MIPOL1: variants seen among roughly 807,000 people sequenced by gnomAD.
The protein encoded by MIPOL1 is mirror-image polydactyly gene 1 protein.
In MIPOL1, 57 loss-of-function variants were observed where a neutral mutation model predicts 60.9. The observed-to-expected ratio is 0.94, with a 90% CI of 0.76 to 1.17. MIPOL1 has a LOEUF of 1.17. Ranked by LOEUF, MIPOL1 falls within the 50% of genes most tolerant of loss-of-function variation. The pLI, the probability that MIPOL1 is intolerant of heterozygous loss-of-function variation, is 0.00. For synonymous variants in MIPOL1, 179 were observed against 168.8 expected (o/e 1.06, Z -0.47); for missense variants, 551 against 511.6 (o/e 1.08, Z -0.74).
chr14:37,417,519 G>A lies in MIPOL1; in HGVS notation c.937-5336G>A, dbSNP rs74387916. ...ATCCAAGCCTTCCTGTGAAGTGGAG[G>A]TTTAATTGAAACCTGGTCATTTTTA... On this transcript the variant is annotated intron_variant, in intron 10 of 12. Transcript: ENST00000684589. Among the ~76,000 whole-genome samples, 717 of 152,234 alleles carry A rather than the reference G, an allele frequency of 4.7e-3. 4 individuals carry two copies. Among genetic ancestry groups the A allele is most frequent in the African/African-American group, 0.015 (637 of 41,520 alleles).
chr14:37,531,706 A>T (rs947955959), intron 12 of MIPOL1, among the ~76,000 whole-genome samples: 6 of 152,192 alleles, frequency 3.9e-5, no homozygotes, highest in Non-Finnish European at 7.3e-5. Flanking sequence ...GTTTTTGAAA[A>T]TCCTTGAGGA....
intron 9 of MIPOL1, among the ~76,000 whole-genome samples, chr14:37,314,107 C>T (rs573409187): frequency 2.0e-5 from 3 of 152,122 alleles, no homozygotes; most frequent in South Asian, 2.1e-4. Flanking sequence ...TTTCTGTACT[C>T]GTTTCTTGGT....
intron 9 of MIPOL1, among the ~76,000 whole-genome samples, chr14:37,316,412 A>G (rs1475022231): frequency 6.6e-6 from 1 of 152,046 alleles, no homozygotes. Flanking sequence ...ATTTGATCAC[A>G]TGGATGATGT....
intron 10 of MIPOL1, among the ~76,000 whole-genome samples, chr14:37,389,533 ATATT>A (rs2093174473): frequency 6.6e-6 from 1 of 151,820 alleles, no homozygotes; most frequent in South Asian, 2.1e-4. Context: ...TTTATATTAT[ATATT>A]TATTGTTCTA....
chr14:37,464,147 A>G (rs745990065), intron 11 of MIPOL1, among the ~76,000 whole-genome samples: 8 of 152,186 alleles, frequency 5.3e-5, no homozygotes, highest in Admixed American at 3.9e-4. Context: ...ACCACTATAC[A>G]CTTTTCGTGG....
intron 12 of MIPOL1, among the ~76,000 whole-genome samples, chr14:37,522,623 A>G (rs1326032620): frequency 6.6e-6 from 1 of 152,132 alleles, no homozygotes; most frequent in Non-Finnish European, 1.5e-5. Flanking sequence ...GTAATGTGTA[A>G]ACTCCCATCT....
At chr14:37,447,181 T>G (rs2094350661) in intron 11 of MIPOL1, among the ~76,000 whole-genome samples, 1 of 152,112 alleles carries the variant, frequency 6.6e-6, no homozygotes, top group Admixed American at 6.6e-5. Context: ...AGGCCACCAT[T>G]CAAGAAGTAG....
chr14:37,351,236 A>G (rs937320219), intron 9 of MIPOL1, among the ~76,000 whole-genome samples: 2 of 146,436 alleles, frequency 1.4e-5, no homozygotes, highest in Non-Finnish European at 3.0e-5. Context: ...AAGGACATGA[A>G]CTCATTCTTT....
chr14:37,280,096 C>T (rs147361646), intron 6 of MIPOL1, among the ~76,000 whole-genome samples: 4 of 152,184 alleles, frequency 2.6e-5, no homozygotes, highest in East Asian at 3.9e-4. Flanking sequence ...GGTTTATCCA[C>T]GTTGTTGCAA....
At chr14:37,305,042 G>T (rs1005822942) in intron 7 of MIPOL1, among the ~76,000 whole-genome samples, 3 of 151,668 alleles carry the variant, frequency 2.0e-5, no homozygotes, top group Non-Finnish European at 4.4e-5. Flanking sequence ...CATACCACTA[G>T]TAAACCTTAG....
chr14:37,238,432 C>A (rs916484538), intron 1 of MIPOL1, among the ~76,000 whole-genome samples: 1 of 152,092 alleles, frequency 6.6e-6, no homozygotes, highest in Non-Finnish European at 1.5e-5. Context: ...ACAAACTTCC[C>A]TCAGGAGGCA....
At chr14:37,411,717 A>G (rs2093684287) in intron 10 of MIPOL1, among the ~76,000 whole-genome samples, 1 of 152,150 alleles carries the variant, frequency 6.6e-6, no homozygotes. Flanking sequence ...TGCGTGGCCC[A>G]CAAGCCTAAA....
intron 7 of MIPOL1, among the ~76,000 whole-genome samples, chr14:37,286,165 G>T (rs1373328371): frequency 6.6e-6 from 1 of 151,980 alleles, no homozygotes; most frequent in African/African-American, 2.4e-5. Flanking sequence ...TTTACTTGCA[G>T]TTTTTTTAGC....
At chr14:37,205,704 T>C (rs368605885) in intron 1 of MIPOL1, among the ~76,000 whole-genome samples, 1 of 151,930 alleles carries the variant, frequency 6.6e-6, no homozygotes, top group African/African-American at 2.4e-5. Context: ...CACCTATGAG[T>C]GAGAACTTGC....
intron 11 of MIPOL1, among the ~76,000 whole-genome samples, chr14:37,470,618 A>G (rs757382523): frequency 2.6e-5 from 4 of 152,144 alleles, no homozygotes; most frequent in Admixed American, 6.5e-5. Flanking sequence ...CTGTGAGCCA[A>G]TTAAACCCCT....
At position 37,285,417 on chromosome 14, in the gene MIPOL1, G is replaced by A. The variant is rs778135188; in HGVS notation, c.593G>A (p.Arg198Gln). The change falls in exon 7 of 13, where the codon CGA becomes CAA. Residue 198 changes from arginine to glutamine, a missense_variant. Coordinates refer to ENST00000684589, the MANE Select transcript of MIPOL1 (RefSeq NM_001388067.1). ...GAGGAGAGAGATGAAGCAATTGCACGAGCCAAGCATATGGAAATGTCTCTA... is the reference window on the plus strand; with the variant it reads ...GAGGAGAGAGATGAAGCAATTGCACAAGCCAAGCATATGGAAATGTCTCTA... ...AIEERDEAIA[R>Q]AKHMEMSLKV... is the part of the protein sequence containing the mutation. 14 of 1,613,844 alleles carry A rather than the reference G, an allele frequency of 8.7e-6. No homozygotes were observed. The highest frequency in any genetic ancestry group is 1.1e-5 in the South Asian group (1 of 91,054).
chr14:37,522,514 C>T (rs1478208599), intron 12 of MIPOL1, among the ~76,000 whole-genome samples: 2 of 152,098 alleles, frequency 1.3e-5, no homozygotes, highest in African/African-American at 4.8e-5. Context: ...AAGTATGCTG[C>T]AACTTACTAT....
intron 9 of MIPOL1, among the ~76,000 whole-genome samples, chr14:37,314,961 TA>T (rs1249202563): frequency 6.6e-6 from 1 of 152,182 alleles, no homozygotes; most frequent in Non-Finnish European, 1.5e-5. Flanking sequence ...AATCCAGATA[TA>T]AAAGGTTCTT....
intron 7 of MIPOL1, among the ~76,000 whole-genome samples, chr14:37,288,194 A>G (rs902494279): frequency 2.7e-5 from 4 of 147,984 alleles, no homozygotes; most frequent in Admixed American, 2.7e-4. Flanking sequence ...TTTAATAGAG[A>G]TGGGGCCTTG....
Sources: allele counts gnomAD v4.1 joint callset (sites outside exome capture counted in the v4.1 genomes callset), GRCh38; gene constraint gnomAD v4.1.1; transcripts MANE v1.5; gene names NCBI Gene and HGNC (gene_info 2026-07-23, HGNC 2026-07-21).